The following PCDHGB3 variants were observed in gnomAD, a reference collection of about 807,000 sequenced individuals.
PCDHGB3 encodes protocadherin gamma subfamily B, 3.
PCDHGB3 carries 40 observed loss-of-function variants against 59.2 expected under a neutral mutation model. The ratio of observed to expected loss-of-function variants is 0.68; its 90% CI spans 0.52 to 0.88. The LOEUF (loss-of-function observed/expected upper bound fraction) is 0.88, where lower values mean the gene tolerates loss of function less well. PCDHGB3 is among the 40% of genes least tolerant of loss of function. PCDHGB3 has a pLI of 0.00. For synonymous variants in PCDHGB3, 581 were observed against 503.6 expected, an observed-to-expected ratio of 1.15 and a Z score of -2.06; for missense variants, 1,309 against 1,187.9, an observed-to-expected ratio of 1.10 and a Z score of -1.50.
chr5:141,384,184 A>C (rs1179495803), intron 1 of PCDHGB3: 2 of 1,613,640 alleles, frequency 1.2e-6, no homozygotes, highest in Non-Finnish European at 1.7e-6. Flanking sequence ...AGATGGTGGA[A>C]CTCCTCCCTT....
In PCDHGB3 at chr5:141,430,843, C is replaced by T. The variant is rs1370427603; in HGVS notation, c.2415+58034C>T. 2.6e-6 allele frequency: 4 copies of T among 1,568,356 alleles called. No homozygotes were observed. The African/African-American group carries it at 4.1e-5, about 16-fold the overall frequency. On this transcript the variant is annotated intron_variant, in intron 1 of 3. Coordinates refer to ENST00000576222, the MANE Select transcript of PCDHGB3 (RefSeq NM_018924.5). ...TGGGGACTCTGTGGGAGACCGGATG[C>T]ACCCAGATACGCTATTCAGTTCCGG...
chr5:141,392,942 C>T, intron 1 of PCDHGB3: 2 of 1,613,954 alleles, frequency 1.2e-6, no homozygotes, highest in Non-Finnish European at 1.7e-6. Context: ...ACAAAGGCTC[C>T]TTCGTGGGTA....
chr5:141,413,530 A>G (rs879218343), intron 1 of PCDHGB3: 1 of 1,613,954 alleles, frequency 6.2e-7, no homozygotes, highest in Non-Finnish European at 8.5e-7. Context: ...AGACAGGGTG[A>G]AACTTTTTGG....
intron 1 of PCDHGB3, among the ~76,000 whole-genome samples, chr5:141,436,515 G>A (rs1393437693): frequency 6.6e-6 from 1 of 152,160 alleles, no homozygotes; most frequent in Non-Finnish European, 1.5e-5. Context: ...ATTGTTAACT[G>A]TGTCACCTTT....
chr5:141,395,290 T>G, intron 1 of PCDHGB3: 1 of 1,529,838 alleles, frequency 6.5e-7, no homozygotes, highest in Non-Finnish European at 8.8e-7. Context: ...TTATTTGGCA[T>G]AAATTATGTT....
Position 141,489,576 on chromosome 5 carries a change from C to G in PCDHGB3, c.2416-5231C>G. 6.2e-7 allele frequency: 1 copy of G among 1,614,054 alleles called. No individual in the cohort carries two copies. Among genetic ancestry groups the G allele is most frequent in the Non-Finnish European group, 8.5e-7 (1 of 1,179,976 alleles). On this transcript the variant is annotated intron_variant, in intron 1 of 3. Coordinates refer to ENST00000576222, the MANE Select transcript of PCDHGB3 (RefSeq NM_018924.5). This position sits in a 1 kb window ranked among gnomAD's most constrained non-coding sequence, Gnocchi z 4.5. ...TGCCAGTGCAGGTGGTGACTGAACA[C>G]CCCCTGGAGCTAATCCGTGTAGAGG...
intron 1 of PCDHGB3, chr5:141,409,789 G>C (rs1390138666): frequency 1.2e-6 from 2 of 1,611,918 alleles, no homozygotes; most frequent in African/African-American, 2.7e-5. Context: ...GCGCCTTCGC[G>C]CTCACGCTGC....
intron 1 of PCDHGB3, chr5:141,405,079 C>G (rs1383258618): frequency 6.2e-7 from 1 of 1,613,898 alleles, no homozygotes; most frequent in South Asian, 1.1e-5. Context: ...CCTTCGTTAT[C>G]ACGCTGCTGG....
At chr5:141,419,436 G>T (rs756968644) in intron 1 of PCDHGB3, 1 of 1,613,144 alleles carries the variant, frequency 6.2e-7, no homozygotes, top group East Asian at 2.2e-5. Context: ...GAGCAGCTGC[G>T]CACCTTCGAG....
At chr5:141,419,917 T>C in intron 1 of PCDHGB3, 1 of 1,612,890 alleles carries the variant, frequency 6.2e-7, no homozygotes, top group Non-Finnish European at 8.5e-7. Context: ...ACTCCCAGGC[T>C]GAGATGCAGT....
chr5:141,508,974 G>A (rs962653911), intron 3 of PCDHGB3, among the ~76,000 whole-genome samples: 2 of 152,128 alleles, frequency 1.3e-5, no homozygotes, highest in Non-Finnish European at 2.9e-5. Flanking sequence ...AAAGGGCTGG[G>A]GGTGGGGGCC....
At chr5:141,389,363 C>A (rs776814041) in intron 1 of PCDHGB3, 5 of 1,613,868 alleles carry the variant, frequency 3.1e-6, no homozygotes, top group Non-Finnish European at 4.2e-6. Context: ...TGGCCAGTGA[C>A]CTGGAGCAGC....
chr5:141,431,440 C>T lies in PCDHGB3; in HGVS notation c.2415+58631C>T. ...ACCCGGTGCGCACAGGCACCGCGCG[C>T]ATCCGCGTGATGGTTCTGGATGCGA... is the stretch of plus-strand genomic sequence containing the variant. On this transcript the variant is annotated intron_variant, in intron 1 of 3. Transcript: ENST00000576222. The surrounding 1 kb of genome is among the most constrained non-coding windows in gnomAD (Gnocchi z 4.8). 6.2e-7 allele frequency: 1 copy of T among 1,613,754 alleles called. No homozygotes were observed.
chr5:141,437,762 A>G (rs1286042187), intron 1 of PCDHGB3, among the ~76,000 whole-genome samples: 1 of 149,476 alleles, frequency 6.7e-6, no homozygotes, highest in African/African-American at 2.5e-5. Context: ...TTTTTGAGAC[A>G]GAGTCTCAAT....
intron 1 of PCDHGB3, among the ~76,000 whole-genome samples, chr5:141,456,679 T>C (rs1357662868): frequency 2.0e-5 from 3 of 152,104 alleles, no homozygotes; most frequent in Non-Finnish European, 2.9e-5. Flanking sequence ...AAAAATGCAT[T>C]ACTGGCCAGG....
rs549801775 is a variant in PCDHGB3 at position 141,419,346 on chromosome 5, T to C, written c.2415+46537T>C. The C allele has an allele frequency of 6.2e-7, 1 of 1,613,828 alleles. No individual in the cohort carries two copies. The highest frequency in any genetic ancestry group is 2.2e-5 in the East Asian group (1 of 44,886). ...TCCTACTCTCTCATTGCCAGCGACCTGGAGTCACGAACGCTGTCGTCCTAC... is the reference window on the plus strand; with the variant it reads ...TCCTACTCTCTCATTGCCAGCGACCCGGAGTCACGAACGCTGTCGTCCTAC... On this transcript the variant is annotated intron_variant, in intron 1 of 3. Coordinates refer to ENST00000576222, the MANE Select transcript of PCDHGB3 (RefSeq NM_018924.5).
intron 1 of PCDHGB3, chr5:141,382,902 G>A: frequency 6.5e-7 from 1 of 1,543,512 alleles, no homozygotes; most frequent in South Asian, 1.2e-5. Flanking sequence ...GGACGACTAT[G>A]GCGGCTCAGC....
chr5:141,372,704 A>G lies in PCDHGB3; in HGVS notation c.2310A>G (p.Ile770Met), dbSNP rs1768986926. The G allele has an allele frequency of 5.6e-6, 9 of 1,613,992 alleles. 1 individual carries two copies. The South Asian group carries it at 8.8e-5, about 16-fold the overall frequency. ...ACACCGAGTTTAAATTTCTCAATAT[A>G]AAGGCTGAAAATGCTGCACCACAAG... is the stretch of plus-strand genomic sequence containing the variant. ...SSNTEFKFLN[I>M]KAENAAPQDL... Residue 770 changes from isoleucine (I) to methionine (M), a missense_variant, in exon 1 of 4, where the codon ATA becomes ATG. By Grantham distance (10) the Ile-to-Met change is conservative. Coordinates refer to ENST00000576222, the MANE Select transcript of PCDHGB3 (RefSeq NM_018924.5).
chr5:141,492,948 CA>C (rs2099745260), intron 1 of PCDHGB3, among the ~76,000 whole-genome samples: 1 of 152,188 alleles, frequency 6.6e-6, no homozygotes, highest in Non-Finnish European at 1.5e-5. Flanking sequence ...TGGAGGTGAC[CA>C]AACTATCTGA....
Sources: gnomAD v4.1 joint callset for allele counts (sites outside exome capture counted in the v4.1 genomes callset) on GRCh38, gnomAD v4.1.1 for gene constraint, Gnocchi (gnomAD v3.1) non-coding constraint, MANE v1.5 for transcripts, NCBI Gene and HGNC (gene_info 2026-07-23, HGNC 2026-07-21) for gene names.